HMCN1: variants seen among roughly 807,000 people sequenced by gnomAD.
The protein encoded by HMCN1 is hemicentin-1.
In HMCN1, 321 loss-of-function variants were observed where a neutral mutation model predicts 625.9. The ratio of observed to expected loss-of-function variants is 0.51; its 90% CI spans 0.47 to 0.56. The LOEUF (loss-of-function observed/expected upper bound fraction) is 0.56. HMCN1 is among the 20% of genes least tolerant of loss of function. The probability of loss-of-function intolerance (pLI) is 0.00; values close to 1 mark genes in which losing one functional copy is unlikely to be tolerated. For synonymous variants in HMCN1, 2,425 were observed against 2,417.6 expected (o/e 1.00, Z -0.09); for missense variants, 6,588 against 6,887.3 (o/e 0.96, Z 1.54).
At chr1:185,912,004 A>G (rs1571547549) in intron 6 of HMCN1, among the ~76,000 whole-genome samples, 1 of 152,278 alleles carries the variant, frequency 6.6e-6, no homozygotes, top group African/African-American at 2.4e-5. Flanking sequence ...TACACTTACA[A>G]TTCTCAGATA....
At chr1:185,931,497 T>G (rs988797488) in intron 10 of HMCN1, among the ~76,000 whole-genome samples, 4 of 152,222 alleles carry the variant, frequency 2.6e-5, no homozygotes, top group African/African-American at 9.7e-5. Context: ...ATGCCATTAT[T>G]TCAAATCTCA....
chr1:185,743,541 G>C (rs1654131104), intron 1 of HMCN1, among the ~76,000 whole-genome samples: 1 of 152,184 alleles, frequency 6.6e-6, no homozygotes, highest in Admixed American at 6.5e-5. Flanking sequence ...ATTTTAACTG[G>C]ATTGGCTGAA....
intron 40 of HMCN1, among the ~76,000 whole-genome samples, chr1:186,042,031 T>C (rs1656242414): frequency 6.6e-6 from 1 of 152,158 alleles, no homozygotes; most frequent in Non-Finnish European, 1.5e-5. Flanking sequence ...ATAACATATA[T>C]TGTTATATAA....
chr1:185,777,300 A>C (rs775906929), intron 1 of HMCN1, among the ~76,000 whole-genome samples: 1 of 152,184 alleles, frequency 6.6e-6, no homozygotes, highest in African/African-American at 2.4e-5. Flanking sequence ...ATACCTCTAT[A>C]AGGTATCATT....
intron 6 of HMCN1, among the ~76,000 whole-genome samples, chr1:185,917,488 G>T (rs568072317): frequency 3.9e-4 from 59 of 152,272 alleles, no homozygotes; most frequent in Non-Finnish European, 2.9e-4. Flanking sequence ...ACATAACAGG[G>T]TTTTAAGAGA....
chr1:185,785,462 G>A (rs545984296), intron 1 of HMCN1, among the ~76,000 whole-genome samples: 69 of 152,190 alleles, frequency 4.5e-4, no homozygotes, highest in African/African-American at 1.5e-3. Context: ...AATCTATTTT[G>A]TTCATTTGTT....
At chr1:186,172,378 T>G (rs1202127520) in intron 102 of HMCN1, among the ~76,000 whole-genome samples, 3 of 152,214 alleles carry the variant, frequency 2.0e-5, no homozygotes, top group Non-Finnish European at 4.4e-5. Flanking sequence ...ACATTTGGTT[T>G]ACATAGTTTA....
intron 21 of HMCN1, 112 bp from the exon 22 acceptor site, chr1:185,990,163 G>C (rs1652322783): frequency 2.0e-6 from 2 of 978,544 alleles, no homozygotes; most frequent in Non-Finnish European, 3.3e-6. Flanking sequence ...GTCCTGAATA[G>C]CATCTTTTTA....
Position 186,095,348 on chromosome 1 carries a change from T to C in HMCN1, c.10400T>C (p.Met3467Thr), listed in dbSNP as rs774078558. ...CITDGTPAPSMAWLRDGQPLG... is the reference protein window; with the variant it reads ...CITDGTPAPSTAWLRDGQPLG... ...ACTGATGGAACCCCAGCTCCCAGTA[T>C]GGCCTGGCTTAGAGATGGCCAGCCT... The change falls in exon 68 of 107, where the codon ATG becomes ACG. Residue 3467 changes from methionine to threonine, a missense_variant. Met to Thr is a moderately conservative substitution (Grantham distance 81). This residue lies in a region of HMCN1 where 4,628 missense variants were observed against 4,853.1 expected (regional missense o/e 0.95). Transcript: ENST00000271588. 1.2e-6 allele frequency: 2 copies of C among 1,613,754 alleles called. No individual in the cohort carries two copies. The highest frequency in any genetic ancestry group is 3.3e-5 in the Admixed American group (2 of 59,890).
intron 4 of HMCN1, among the ~76,000 whole-genome samples, chr1:185,869,535 A>G (rs1472475570): frequency 1.3e-5 from 2 of 152,172 alleles, no homozygotes; most frequent in African/African-American, 4.8e-5. Context: ...AAATCTGAGT[A>G]GAAGAATCCA....
chr1:185,759,259 G>A (rs1571312922), intron 1 of HMCN1, among the ~76,000 whole-genome samples: 1 of 152,134 alleles, frequency 6.6e-6, no homozygotes, highest in South Asian at 2.1e-4. Context: ...GCACAGATGG[G>A]GAGAATTGTG....
chr1:185,788,592 T>A (rs796218941), intron 1 of HMCN1, among the ~76,000 whole-genome samples: 2 of 152,332 alleles, frequency 1.3e-5, no homozygotes, highest in South Asian at 2.1e-4. Context: ...CATTGTAATT[T>A]TCATCCCTTA....
At chr1:185,979,871 G>A (rs1488526275) in intron 16 of HMCN1, among the ~76,000 whole-genome samples, 1 of 151,922 alleles carries the variant, frequency 6.6e-6, no homozygotes, top group African/African-American at 2.4e-5. Context: ...ATATTTACAA[G>A]ATTATACCCA....
intron 46 of HMCN1, among the ~76,000 whole-genome samples, 171 bp from the exon 47 acceptor site, chr1:186,061,676 TTTTG>T (rs1657713932): frequency 6.6e-6 from 1 of 152,204 alleles, no homozygotes; most frequent in Non-Finnish European, 1.5e-5. Context: ...TTCTGAACTA[TTTTG>T]TTTTATAGAA....
In HMCN1 at chr1:186,189,980, C is replaced by A; in HGVS notation, c.*102C>A. 7.4e-7 allele frequency: 1 copy of A among 1,352,736 alleles called. No individual in the cohort carries two copies. The highest frequency in any genetic ancestry group is 1.0e-6 in the Non-Finnish European group (1 of 955,608). 83.8% of individuals were successfully genotyped at this position (1,352,736 alleles called of 1,614,324 possible). ...TCTTGAACAGTTGCAATCTTGGCAG[C>A]TTGAAAATGGTGCTACACTCTGTTT... On this transcript the variant is annotated 3_prime_UTR_variant, in exon 107 of 107. Coordinates refer to ENST00000271588, the MANE Select transcript of HMCN1 (RefSeq NM_031935.3).
chr1:186,023,938 G>C lies in HMCN1; in HGVS notation c.5749+785G>C, dbSNP rs144582776. On this transcript the variant is annotated intron_variant, in intron 36 of 106. Transcript: ENST00000271588. ...TCAAAAATATTTAACAAATAAAAGA[G>C]TAAATAGTAGGTGAATGAAAAAGTT... Among the ~76,000 whole-genome samples the C allele has an allele frequency of 5.3e-3, 806 of 152,282 alleles. 14 individuals carry two copies. Among genetic ancestry groups the C allele is most frequent in the Middle Eastern group, 0.031 (9 of 294 alleles).
chr1:186,015,517 T>A (rs951548535), intron 31 of HMCN1, 80 bp downstream of exon 31: 5 of 1,333,014 alleles, frequency 3.8e-6, no homozygotes, highest in African/African-American at 2.9e-5. Flanking sequence ...TATTCACTAA[T>A]AGTCCTTGGT....
At chr1:186,108,073 T>C (rs1484307684) in intron 70 of HMCN1, among the ~76,000 whole-genome samples, 1 of 130,714 alleles carries the variant, frequency 7.7e-6, no homozygotes. Flanking sequence ...ACATGAAAAA[T>C]ACAGTCTGTA....
rs570569198 is a variant in HMCN1 at position 186,045,375 on chromosome 1, T to A, written c.6305-313T>A. On this transcript the variant is annotated intron_variant, in intron 40 of 106. Coordinates refer to ENST00000271588, the MANE Select transcript of HMCN1 (RefSeq NM_031935.3). The stretch of plus-strand genomic sequence containing the variant: ...TATTGTTTCTAAAATATTTCATGAG[T>A]GATTTGTTATCTTGAAAACCTTAAG... 7.2e-5 allele frequency among the ~76,000 whole-genome samples: 11 copies of A among 152,298 alleles called. 1 individual carries two copies. The South Asian group carries it at 2.3e-3, about 32-fold the overall frequency.
Sources: allele counts gnomAD v4.1 joint callset (sites outside exome capture counted in the v4.1 genomes callset), GRCh38; gene constraint gnomAD v4.1.1; regional missense constraint gnomAD v4.1.1; transcripts MANE v1.5; gene names NCBI Gene and HGNC (gene_info 2026-07-23, HGNC 2026-07-21).